CCL26: variants seen among roughly 807,000 people sequenced by gnomAD.
CCL26 encodes C-C motif chemokine ligand 26, also known as C-C motif chemokine 26.
CCL26 carries 10 observed loss-of-function variants against 10.7 expected under a neutral mutation model. That is an observed-to-expected ratio of 0.93 (90% CI 0.57 to 1.58). The LOEUF is 1.58. Among genes scored for constraint, CCL26 ranks in the 40% most tolerant of loss-of-function variants. The pLI is 0.00. For synonymous variants in CCL26, 43 were observed against 41.4 expected, an observed-to-expected ratio of 1.04 and a Z score of -0.15; for missense variants, 116 against 111.0, an observed-to-expected ratio of 1.05 and a Z score of -0.20.
At position 75,788,288 on chromosome 7, in the gene CCL26, T is replaced by C. The variant is rs368221599; in HGVS notation, c.-79+1429A>G. Among the ~76,000 whole-genome samples the C allele has an allele frequency of 8.5e-5, 13 of 152,274 alleles. No individual in the cohort carries two copies. In the South Asian group the frequency reaches 1.7e-3, roughly 19 times the overall value. On this transcript the variant is annotated intron_variant, in intron 1 of 3. Coordinates refer to the CCL26 transcript ENST00000394905. Reference sequence around the variant, plus strand: ...GAAAATGGCCTGTTCTTGCCTTAATTGATGACATTACCTTGTGAAATTCCT... The same window carrying C: ...GAAAATGGCCTGTTCTTGCCTTAATCGATGACATTACCTTGTGAAATTCCT...
At chr7:75,779,186 C>T (rs1212515098) in intron 1 of CCL26, among the ~76,000 whole-genome samples, 5 of 152,040 alleles carry the variant, frequency 3.3e-5, no homozygotes, top group Non-Finnish European at 5.9e-5. Context: ...TATAAAACAG[C>T]CCCACCCCTA....
chr7:75,769,700 T>G lies in CCL26; in HGVS notation c.278A>C (p.Gln93Pro). 1 of 1,606,530 alleles carries G rather than the reference T, an allele frequency of 6.2e-7. No individual in the cohort carries two copies. Among genetic ancestry groups the G allele is most frequent in the Non-Finnish European group, 8.5e-7 (1 of 1,173,042 alleles). ...KYISLLKTPK[Q>P]L ...GATGAAAATTCAGCTGAGTCACAAT[T>G]GTTTCGGAGTTTTCAGTAAAGAAAT... The change falls in exon 3 of 3, where the codon CAA becomes CCA. Residue 93 changes from glutamine to proline, a missense_variant. By Grantham distance (76) the Gln-to-Pro change is moderately conservative (BLOSUM62 -1). Transcript: ENST00000005180.
At chr7:75,783,660 GC>G (rs1803115833) in intron 1 of CCL26, among the ~76,000 whole-genome samples, 1 of 151,924 alleles carries the variant, frequency 6.6e-6, no homozygotes, top group Non-Finnish European at 1.5e-5. Flanking sequence ...GGTGGCAGGC[GC>G]CTGTAGTCCC....
chr7:75,774,738 A>G (rs1333753354), upstream of CCL26, among the ~76,000 whole-genome samples: 4 of 143,944 alleles, frequency 2.8e-5, no homozygotes, highest in Non-Finnish European at 4.5e-5. Context: ...GAGCCACCCC[A>G]CCCGGCCTAT....
intron 1 of CCL26, among the ~76,000 whole-genome samples, chr7:75,783,715 A>G (rs1286838173): frequency 6.8e-6 from 1 of 148,000 alleles, no homozygotes; most frequent in Admixed American, 6.8e-5. Flanking sequence ...TGAACCCGGT[A>G]GGTGGAGCTT....
chr7:75,773,023 C>A (rs1377921008), upstream of CCL26, among the ~76,000 whole-genome samples: 2 of 151,982 alleles, frequency 1.3e-5, no homozygotes, highest in Non-Finnish European at 2.9e-5. Context: ...GTAGCCCAAC[C>A]TCGACAATGG....
At chr7:75,775,363 C>T (rs998342005), upstream of CCL26, among the ~76,000 whole-genome samples, 2 of 152,098 alleles carry the variant, frequency 1.3e-5, no homozygotes, top group African/African-American at 2.4e-5. Context: ...ATTTGAAGAT[C>T]GTTGTTTTTA....
chr7:75,782,636 C>T (rs1803089625), intron 1 of CCL26, among the ~76,000 whole-genome samples: 1 of 152,128 alleles, frequency 6.6e-6, no homozygotes, highest in Non-Finnish European at 1.5e-5. Context: ...TGCAATACCG[C>T]TTGGCCCAAT....
upstream of CCL26, among the ~76,000 whole-genome samples, chr7:75,776,508 T>C (rs2115657019): frequency 7.7e-6 from 1 of 130,288 alleles, no homozygotes; most frequent in African/African-American, 3.0e-5. Flanking sequence ...ATCACTGCAC[T>C]CCAAAAAGGA....
At chr7:75,777,089 G>A (rs550789631), upstream of CCL26, among the ~76,000 whole-genome samples, 38 of 152,026 alleles carry the variant, frequency 2.5e-4, no homozygotes, top group Non-Finnish European at 4.1e-4. Flanking sequence ...AAAATTAGCC[G>A]GGTGTGGTGG....
chr7:75,772,234 T>G, upstream of CCL26: 1 of 1,293,140 alleles, frequency 7.7e-7, no homozygotes, highest in Non-Finnish European at 1.1e-6. Flanking sequence ...CCTGATCCCC[T>G]TTTATGAGAC....
upstream of CCL26, among the ~76,000 whole-genome samples, chr7:75,773,994 A>G (rs1292422775): frequency 1.3e-5 from 2 of 152,106 alleles, no homozygotes; most frequent in African/African-American, 4.8e-5. Context: ...TATAGGGGAG[A>G]GCCACCACAC....
chr7:75,770,565 G>T (rs1030412245), intron 2 of CCL26, among the ~76,000 whole-genome samples: 2 of 151,820 alleles, frequency 1.3e-5, no homozygotes, highest in East Asian at 3.9e-4. Context: ...ATTTTTAGTA[G>T]AGACAGGGTT....
At chr7:75,783,118 G>T (rs1430423111) in intron 1 of CCL26, among the ~76,000 whole-genome samples, 1 of 152,146 alleles carries the variant, frequency 6.6e-6, no homozygotes, top group African/African-American at 2.4e-5. Flanking sequence ...GACATAGTCA[G>T]GGTACATGTG....
chr7:75,790,218 T>TCTTTCTTTTCTTC (rs1554530641), upstream of CCL26, among the ~76,000 whole-genome samples: 1 of 66,802 alleles, frequency 1.5e-5, no homozygotes, highest in Non-Finnish European at 3.1e-5. Flanking sequence ...TTTCTTTCTT[T>TCTTTCTTTTCTTC]CTTCCTTCCT....
upstream of CCL26, chr7:75,772,212 A>G: frequency 6.8e-7 from 1 of 1,473,262 alleles, no homozygotes; most frequent in South Asian, 1.2e-5. Flanking sequence ...GGTTTCTCCC[A>G]AACTCCTCCT....
At chr7:75,782,308 C>T (rs372025325) in intron 1 of CCL26, among the ~76,000 whole-genome samples, 16 of 151,738 alleles carry the variant, frequency 1.1e-4, no homozygotes, top group South Asian at 6.3e-4. Flanking sequence ...ATTGCGGGGA[C>T]GCCTCTCTGA....
upstream of CCL26, among the ~76,000 whole-genome samples, chr7:75,772,827 CT>C (rs1303459161): frequency 2.0e-5 from 3 of 152,158 alleles, no homozygotes; most frequent in Admixed American, 6.6e-5. Context: ...TGAGTCAACA[CT>C]TTCTTGTTTA....
chr7:75,786,540 T>C (rs1361302812), intron 1 of CCL26, among the ~76,000 whole-genome samples: 2 of 152,136 alleles, frequency 1.3e-5, no homozygotes, highest in African/African-American at 2.4e-5. Context: ...TCCTCCATCA[T>C]TAATGCCTCT....
Sources: allele counts gnomAD v4.1 joint callset (sites outside exome capture counted in the v4.1 genomes callset), GRCh38; gene constraint gnomAD v4.1.1; transcripts MANE v1.5; gene names NCBI Gene and HGNC (gene_info 2026-07-23, HGNC 2026-07-21).